The following JAM2 variants were observed in gnomAD, a reference collection of about 807,000 sequenced individuals.
JAM2 encodes junctional adhesion molecule 2.
JAM2 carries 17 observed loss-of-function variants against 42.0 expected under a neutral mutation model. That is an observed-to-expected ratio of 0.40 (90% CI 0.28 to 0.61). JAM2 has a LOEUF of 0.61. Ranked by LOEUF, JAM2 falls within the 20% of genes least tolerant of loss-of-function variation. JAM2 has a pLI of 0.37. For missense variants in JAM2, 319 were observed against 358.3 expected (o/e 0.89, Z 0.89); for synonymous variants, 118 against 128.6 (o/e 0.92, Z 0.56).
intron 2 of JAM2, among the ~76,000 whole-genome samples, chr21:25,688,098 C>T (rs146525632): frequency 3.7e-4 from 57 of 152,252 alleles, no homozygotes; most frequent in Non-Finnish European, 6.3e-4. Context: ...AACCATTTCT[C>T]GACATTTTAC....
At chr21:25,670,896 T>A (rs2033344612) in intron 1 of JAM2, among the ~76,000 whole-genome samples, 1 of 152,238 alleles carries the variant, frequency 6.6e-6, no homozygotes, top group Non-Finnish European at 1.5e-5. Flanking sequence ...TCCTGAGGAC[T>A]AATCAAAGGA....
chr21:25,699,678 G>A (rs535850305), intron 5 of JAM2, among the ~76,000 whole-genome samples: 196 of 136,690 alleles, frequency 1.4e-3, no homozygotes, highest in African/African-American at 4.7e-3. Context: ...AGCAGAGATC[G>A]CGCCACTGCG....
intron 1 of JAM2, among the ~76,000 whole-genome samples, chr21:25,674,887 A>G (rs1308437060): frequency 1.3e-5 from 2 of 151,994 alleles, no homozygotes; most frequent in East Asian, 3.8e-4. Context: ...ATCCATAATA[A>G]ATACTGGGTG....
intron 1 of JAM2, among the ~76,000 whole-genome samples, chr21:25,668,623 A>ATGATATTTGGATGTAAAGG (rs1273903632): frequency 1.3e-5 from 2 of 152,218 alleles, no homozygotes; most frequent in Non-Finnish European, 1.5e-5. Context: ...AGAAAGAAAG[A>ATGATATTTGGATGTAAAGG]TGATATTTGG....
chr21:25,666,420 G>C (rs969931871), intron 1 of JAM2, among the ~76,000 whole-genome samples: 1 of 151,830 alleles, frequency 6.6e-6, no homozygotes, highest in Admixed American at 6.6e-5. Flanking sequence ...TGCCTCCCGG[G>C]TTCAAGCTAT....
intron 1 of JAM2, among the ~76,000 whole-genome samples, chr21:25,676,892 A>G (rs570724796): frequency 1.3e-5 from 2 of 152,358 alleles, no homozygotes; most frequent in Admixed American, 6.5e-5. Context: ...CTCTAAGACT[A>G]GAAAGGCTAA....
In JAM2 at chr21:25,651,985, G is replaced by A. The variant is rs149707628; in HGVS notation, c.67+12097G>A. 5.8e-3 allele frequency among the ~76,000 whole-genome samples: 884 copies of A among 152,298 alleles called. 16 individuals are homozygous for A. The highest frequency in any genetic ancestry group is 0.02 in the African/African-American group (848 of 41,566). On this transcript the variant is annotated intron_variant, in intron 1 of 9. Transcript: ENST00000480456. Reference sequence around the variant, plus strand: ...GAATGGAACAGACTTCTCTTACTATGTATAGCTTATTACATAGATTTCATT... The same window carrying A: ...GAATGGAACAGACTTCTCTTACTATATATAGCTTATTACATAGATTTCATT...
At chr21:25,708,368 C>T (rs921478943) in intron 7 of JAM2, among the ~76,000 whole-genome samples, 15 of 151,910 alleles carry the variant, frequency 9.9e-5, no homozygotes, top group Admixed American at 3.3e-4. Context: ...CAGGACTTCA[C>T]GACCAGCCTG....
chr21:25,663,739 G>C (rs1024861744), intron 1 of JAM2, among the ~76,000 whole-genome samples: 9 of 152,078 alleles, frequency 5.9e-5, no homozygotes, highest in Non-Finnish European at 8.8e-5. Context: ...CATCAGATGT[G>C]ACCCCTCTAC....
intron 2 of JAM2, among the ~76,000 whole-genome samples, chr21:25,685,149 TG>T (rs2033721497): frequency 6.6e-6 from 1 of 152,074 alleles, no homozygotes; most frequent in African/African-American, 2.4e-5. Context: ...AGTAAAGGCC[TG>T]GAGTGGGGGG....
intron 1 of JAM2, among the ~76,000 whole-genome samples, chr21:25,674,369 T>A (rs2033434172): frequency 2.0e-5 from 3 of 151,966 alleles, no homozygotes. Flanking sequence ...CACTCTACCC[T>A]CGGTGACAGA....
chr21:25,645,660 A>G (rs917151421), intron 1 of JAM2, among the ~76,000 whole-genome samples: 2 of 152,210 alleles, frequency 1.3e-5, no homozygotes, highest in Non-Finnish European at 2.9e-5. Flanking sequence ...GTTGTCACCT[A>G]ATGATGCGAT....
chr21:25,697,362 C>A (rs1263204544), intron 4 of JAM2, among the ~76,000 whole-genome samples: 1 of 152,066 alleles, frequency 6.6e-6, no homozygotes, highest in East Asian at 1.9e-4. Context: ...TGTATTTATA[C>A]CAAGGACTGC....
At chr21:25,695,631 CG>C (rs2033995468) in intron 4 of JAM2, among the ~76,000 whole-genome samples, 1 of 149,040 alleles carries the variant, frequency 6.7e-6, no homozygotes, top group Non-Finnish European at 1.5e-5. Flanking sequence ...CCGGATGGGG[CG>C]GCGGCAGGGC....
rs2034499967 is a variant in JAM2, at chr21:25,717,540, TAA to T, written c.*2870_*2871del. The T allele has an allele frequency of 7.9e-7, 1 of 1,272,770 alleles. No individual in the cohort carries two copies. Among genetic ancestry groups the T allele is most frequent in the African/African-American group, 1.5e-5 (1 of 65,614 alleles). 78.8% of individuals were successfully genotyped at this position (1,272,770 alleles called of 1,614,324 possible). ...TTTTCCACAGGTGGCTTTGTTCGAT[TAA>T]AGTCTACACTAATAAAAATAGCTGA... On this transcript the variant is annotated 3_prime_UTR_variant, in exon 10 of 10. Transcript: ENST00000480456.
chr21:25,687,924 A>C (rs1287910987), intron 2 of JAM2, among the ~76,000 whole-genome samples: 1 of 152,188 alleles, frequency 6.6e-6, no homozygotes, highest in Non-Finnish European at 1.5e-5. Context: ...ATCAACTGCT[A>C]ACGTACTAAG....
intron 1 of JAM2, among the ~76,000 whole-genome samples, chr21:25,654,408 G>A (rs888594897): frequency 1.9e-4 from 29 of 152,082 alleles, no homozygotes; most frequent in African/African-American, 6.5e-4. Flanking sequence ...CAGCACTTTG[G>A]GAGGCTGAGA....
chr21:25,662,877 C>A (rs997034269), intron 1 of JAM2, among the ~76,000 whole-genome samples: 7 of 152,112 alleles, frequency 4.6e-5, no homozygotes, highest in African/African-American at 1.7e-4. Flanking sequence ...AATCTTGTAT[C>A]AAATAGTTCC....
At chr21:25,672,046 G>T (rs1307629800) in intron 1 of JAM2, among the ~76,000 whole-genome samples, 1 of 152,110 alleles carries the variant, frequency 6.6e-6, no homozygotes, top group Non-Finnish European at 1.5e-5. Flanking sequence ...GAGGTGGAGA[G>T]AGTTTAGTAG....
Sources: gnomAD v4.1 joint callset for allele counts (sites outside exome capture counted in the v4.1 genomes callset) on GRCh38, gnomAD v4.1.1 for gene constraint, MANE v1.5 for transcripts, NCBI Gene and HGNC (gene_info 2026-07-23, HGNC 2026-07-21) for gene names.